ERBB4: variants seen among roughly 807,000 people sequenced by gnomAD.
ERBB4 encodes receptor tyrosine-protein kinase erbB-4.
ERBB4 carries 42 observed loss-of-function variants against 158.0 expected under a neutral mutation model. The observed-to-expected ratio is 0.27, with a 90% CI of 0.21 to 0.34. ERBB4 has a LOEUF of 0.34. Ranked by LOEUF, ERBB4 falls within the 10% of genes least tolerant of loss-of-function variation. The pLI is 1.00. For synonymous variants in ERBB4, 583 were observed against 558.7 expected (o/e 1.04, Z -0.61); for missense variants, 1,333 against 1,624.1 (o/e 0.82, Z 3.08).
intron 1 of ERBB4, among the ~76,000 whole-genome samples, chr2:212,340,795 G>A (rs1414954236): frequency 1.3e-5 from 2 of 152,164 alleles, no homozygotes; most frequent in East Asian, 1.9e-4. Flanking sequence ...TGGCCTGGGG[G>A]TTGAGGACCC....
At chr2:211,853,177 G>A (rs1352789130) in intron 3 of ERBB4, among the ~76,000 whole-genome samples, 2 of 151,868 alleles carry the variant, frequency 1.3e-5, no homozygotes, top group Admixed American at 6.6e-5. Flanking sequence ...GTTTTAGGCT[G>A]GAAATAGAGA....
At chr2:212,141,518 AT>A (rs137926496) in intron 1 of ERBB4, among the ~76,000 whole-genome samples, 4,535 of 152,102 alleles carry the variant, frequency 0.03, 152 homozygotes, top group African/African-American at 0.081. Context: ...TTTAAGATAG[AT>A]TTTTTTCTTT....
At chr2:212,053,536 C>T (rs1384785545) in intron 2 of ERBB4, among the ~76,000 whole-genome samples, 2 of 152,160 alleles carry the variant, frequency 1.3e-5, no homozygotes, top group African/African-American at 4.8e-5. Flanking sequence ...ATTCTCCACT[C>T]TGCTGCCATA....
intron 1 of ERBB4, among the ~76,000 whole-genome samples, chr2:212,125,893 T>C (rs2079911147): frequency 1.3e-5 from 2 of 152,236 alleles, no homozygotes; most frequent in Admixed American, 1.3e-4. Flanking sequence ...CGTGCATGTG[T>C]CATTGTAATA....
chr2:211,992,899 A>T, intron 2 of ERBB4, among the ~76,000 whole-genome samples: 1 of 152,190 alleles, frequency 6.6e-6, no homozygotes, highest in East Asian at 1.9e-4. Context: ...AAGGCGAAAT[A>T]ATTTTTAGCC....
intron 3 of ERBB4, among the ~76,000 whole-genome samples, chr2:211,934,612 A>G (rs1225066376): frequency 6.6e-6 from 1 of 152,002 alleles, no homozygotes; most frequent in Non-Finnish European, 1.5e-5. Context: ...TAGAGTAATA[A>G]GATTTATAGA....
chr2:211,389,590 ATAAC>A (rs2062760132), intron 25 of ERBB4, among the ~76,000 whole-genome samples: 1 of 152,170 alleles, frequency 6.6e-6, no homozygotes, highest in Admixed American at 6.5e-5. Context: ...CTTTAGTAAC[ATAAC>A]TAACAACACC....
At chr2:211,450,587 A>C (rs1457308621) in intron 20 of ERBB4, among the ~76,000 whole-genome samples, 1 of 152,218 alleles carries the variant, frequency 6.6e-6, no homozygotes, top group African/African-American at 2.4e-5. Context: ...CTTAATGTCA[A>C]ATAAAATAGG....
intron 20 of ERBB4, among the ~76,000 whole-genome samples, chr2:211,505,108 G>A (rs979984581): frequency 6.6e-6 from 1 of 151,920 alleles, no homozygotes; most frequent in African/African-American, 2.4e-5. Flanking sequence ...AGAACACCTG[G>A]AAGATACTAT....
At chr2:212,103,721 AT>A (rs10707766) in intron 2 of ERBB4, among the ~76,000 whole-genome samples, 48,394 of 147,878 alleles carry the variant, frequency 0.33, 9,177 homozygotes, top group African/African-American at 0.52. Flanking sequence ...CTGATTTTTC[AT>A]TTTTTTTTTT....
chr2:211,625,865 G>C (rs551991929), intron 17 of ERBB4, among the ~76,000 whole-genome samples: 1 of 152,190 alleles, frequency 6.6e-6, no homozygotes, highest in South Asian at 2.1e-4. Flanking sequence ...TATATGCCTT[G>C]GCATATACCA....
chr2:212,094,640 A>G (rs2078875019), intron 2 of ERBB4, among the ~76,000 whole-genome samples: 1 of 152,062 alleles, frequency 6.6e-6, no homozygotes, highest in South Asian at 2.1e-4. Flanking sequence ...TGTGATTCGC[A>G]GGCTCCCCGG....
chr2:212,446,577 C>CTATA lies in ERBB4; in HGVS notation c.82+91871_82+91872insTATA, dbSNP rs2092351589. ...ATGTAAGTTAATACTTAATAAACTC[C>CTATA]CATATATATATATGTATATATATAT... On this transcript the variant is annotated intron_variant, in intron 1 of 27. Coordinates refer to ENST00000342788, the MANE Select transcript of ERBB4 (RefSeq NM_005235.3). Among the ~76,000 whole-genome samples the CTATA allele has an allele frequency of 1.7e-3, 62 of 36,054 alleles. 9 individuals carry two copies. Among genetic ancestry groups the CTATA allele is most frequent in the Non-Finnish European group, 3.4e-3 (55 of 16,054 alleles). 23.7% of individuals were successfully genotyped at this position (36,054 alleles called of 152,430 possible).
At chr2:211,948,262 C>T (rs201568670) in intron 2 of ERBB4, among the ~76,000 whole-genome samples, 2 of 151,666 alleles carry the variant, frequency 1.3e-5, no homozygotes, top group African/African-American at 4.8e-5. Flanking sequence ...TGGTGAAACC[C>T]CATCTCTACT....
At chr2:212,535,484 A>G (rs1366678174) in intron 1 of ERBB4, among the ~76,000 whole-genome samples, 1 of 152,204 alleles carries the variant, frequency 6.6e-6, no homozygotes, top group Non-Finnish European at 1.5e-5. Context: ...AATGAAAAGC[A>G]AGACTGAGTT....
intron 1 of ERBB4, among the ~76,000 whole-genome samples, chr2:212,447,044 T>C (rs1314541644): frequency 6.6e-6 from 1 of 151,480 alleles, no homozygotes; most frequent in Non-Finnish European, 1.5e-5. Flanking sequence ...TCACCTAGGC[T>C]AGAGTGCAGT....
At chr2:211,979,187 T>C (rs1377110474) in intron 2 of ERBB4, among the ~76,000 whole-genome samples, 1 of 152,064 alleles carries the variant, frequency 6.6e-6, no homozygotes, top group East Asian at 1.9e-4. Context: ...AGGAATAACA[T>C]GAGTTATGTT....
At chr2:211,800,764 G>A (rs2076483096) in intron 3 of ERBB4, among the ~76,000 whole-genome samples, 1 of 151,262 alleles carries the variant, frequency 6.6e-6, no homozygotes, top group Non-Finnish European at 1.5e-5. Context: ...AAAAGTAGAT[G>A]CAGAGGAAAA....
rs372631205 is a variant in ERBB4, at chr2:212,124,838, G to A, written c.148C>T (p.Arg50Cys). The A allele has an allele frequency of 9.3e-6, 15 of 1,614,100 alleles. No homozygotes were observed. Among genetic ancestry groups the A allele is most frequent in the South Asian group, 4.4e-5 (4 of 91,072 alleles). The change falls in exon 2 of 28, where the codon CGC (arginine) becomes TGC (cysteine). Residue 50 changes from arginine (R) to cysteine (C), a missense_variant. Transcript: ENST00000342788. ...ACCTCACAGTTTTCATAGTACTTGCGCAAGGCTCGGTACTGCTGTTCCAGG... is the reference window on the plus strand; with the variant it reads ...ACCTCACAGTTTTCATAGTACTTGCACAAGGCTCGGTACTGCTGTTCCAGG... ...SDLEQQYRAL[R>C]KYYENCEVVM...
Sources: gnomAD v4.1 joint callset for allele counts (sites outside exome capture counted in the v4.1 genomes callset) on GRCh38, gnomAD v4.1.1 for gene constraint, MANE v1.5 for transcripts, NCBI Gene and HGNC (gene_info 2026-07-23, HGNC 2026-07-21) for gene names.